Variants in PHACTR1 observed in about 807,000 individuals in gnomAD.
PHACTR1 encodes the protein RPEL repeat containing 1.
Under a neutral mutation model 69.2 loss-of-function variants are expected in PHACTR1, and 16 were observed. That is an observed-to-expected ratio of 0.23 (90% CI 0.16 to 0.35). The LOEUF (loss-of-function observed/expected upper bound fraction) is 0.35. PHACTR1 is among the 10% of genes least tolerant of loss of function. The probability of loss-of-function intolerance (pLI) is 1.00; values close to 1 mark genes in which losing one functional copy is unlikely to be tolerated. For synonymous variants in PHACTR1, 312 were observed against 284.5 expected, an observed-to-expected ratio of 1.10 and a Z score of -0.97; for missense variants, 510 against 734.7, an observed-to-expected ratio of 0.69 and a Z score of 3.54.
At chr6:13,115,399 T>A (rs1007741224) in intron 5 of PHACTR1, among the ~76,000 whole-genome samples, 22 of 152,176 alleles carry the variant, frequency 1.4e-4, no homozygotes, top group Non-Finnish European at 7.3e-5. Context: ...CCTTTCTCTC[T>A]CTCTCTCTCA....
intron 6 of PHACTR1, among the ~76,000 whole-genome samples, chr6:13,174,849 T>A (rs1375185157): frequency 6.6e-6 from 1 of 152,234 alleles, no homozygotes; most frequent in Non-Finnish European, 1.5e-5. Context: ...AGAGTGATTT[T>A]GGTACTAACT....
At chr6:12,903,922 T>C (rs1785452911) in intron 4 of PHACTR1, among the ~76,000 whole-genome samples, 1 of 152,210 alleles carries the variant, frequency 6.6e-6, no homozygotes, top group African/African-American at 2.4e-5. Flanking sequence ...TGTTTTATAA[T>C]TTAGCATCTT....
intron 4 of PHACTR1, among the ~76,000 whole-genome samples, chr6:12,754,205 C>A (rs571523736): frequency 6.7e-6 from 1 of 148,276 alleles, no homozygotes; most frequent in East Asian, 2.0e-4. Context: ...GATCTCCTGA[C>A]CTCGTGATCC....
chr6:12,777,241 AT>A (rs57971928), intron 4 of PHACTR1, among the ~76,000 whole-genome samples: 128 of 134,166 alleles, frequency 9.5e-4, no homozygotes, highest in African/African-American at 9.7e-4. Context: ...ATATATATAT[AT>A]TTTTTTAATT....
intron 12 of PHACTR1, among the ~76,000 whole-genome samples, chr6:13,282,392 T>C (rs1780479762): frequency 6.6e-6 from 1 of 152,224 alleles, no homozygotes; most frequent in Non-Finnish European, 1.5e-5. Flanking sequence ...TCATGGCTAA[T>C]ATCGGGAGAT....
chr6:12,803,498 A>G (rs1487178241), intron 4 of PHACTR1, among the ~76,000 whole-genome samples: 1 of 152,216 alleles, frequency 6.6e-6, no homozygotes, highest in Non-Finnish European at 1.5e-5. Flanking sequence ...TGCCAAAACC[A>G]TGCTACTCTC....
At chr6:12,747,042 T>C (rs1489458011) in intron 3 of PHACTR1, among the ~76,000 whole-genome samples, 1 of 152,198 alleles carries the variant, frequency 6.6e-6, no homozygotes, top group Non-Finnish European at 1.5e-5. Context: ...CTTTCATAAT[T>C]CATTTGATGA....
chr6:13,074,172 A>G (rs1405025236), intron 5 of PHACTR1, among the ~76,000 whole-genome samples: 4 of 152,194 alleles, frequency 2.6e-5, no homozygotes, highest in African/African-American at 9.6e-5. Context: ...CACCTAGCCC[A>G]TATTTTCAAT....
At chr6:12,756,003 A>C (rs1436374786) in intron 4 of PHACTR1, among the ~76,000 whole-genome samples, 1 of 152,226 alleles carries the variant, frequency 6.6e-6, no homozygotes, top group East Asian at 1.9e-4. Context: ...ACGTGCATAT[A>C]AACTGACAGG....
Position 13,072,183 on chromosome 6 carries a change from C to A in PHACTR1, c.415+18654C>A, listed in dbSNP as rs1809638730. On this transcript the variant is annotated intron_variant, in intron 5 of 14. Transcript: ENST00000332995. ...ATACTCATAATAACGTGCCATTCCC[C>A]AGTGCCCATTATCACATCTGTTTCC... Among the ~76,000 whole-genome samples the A allele has an allele frequency of 2.6e-5, 4 of 152,164 alleles. No homozygotes were observed. In the South Asian group the frequency reaches 6.2e-4, roughly 24 times the overall value.
At chr6:12,838,755 G>C (rs941611034) in intron 4 of PHACTR1, among the ~76,000 whole-genome samples, 1 of 152,122 alleles carries the variant, frequency 6.6e-6, no homozygotes, top group Non-Finnish European at 1.5e-5. Flanking sequence ...TTGTGAATTT[G>C]TGTTCCCCTA....
At chr6:12,830,939 G>C (rs933295502) in intron 4 of PHACTR1, among the ~76,000 whole-genome samples, 1 of 152,002 alleles carries the variant, frequency 6.6e-6, no homozygotes, top group African/African-American at 2.4e-5. Flanking sequence ...ATGGATTTAG[G>C]GGGTACAAGT....
At chr6:13,210,911 C>CTTT (rs56769825) in intron 8 of PHACTR1, among the ~76,000 whole-genome samples, 83 of 72,834 alleles carry the variant, frequency 1.1e-3, no homozygotes, top group East Asian at 2.2e-3. Flanking sequence ...TTTATCATTT[C>CTTT]TTTTTTTTTT....
intron 6 of PHACTR1, among the ~76,000 whole-genome samples, chr6:13,166,418 T>C (rs1759820716): frequency 6.6e-6 from 1 of 152,194 alleles, no homozygotes; most frequent in African/African-American, 2.4e-5. Context: ...TTCCCTGTTG[T>C]AGCCCAAGTG....
chr6:12,968,749 T>C (rs570906186), intron 4 of PHACTR1, among the ~76,000 whole-genome samples: 1 of 152,200 alleles, frequency 6.6e-6, no homozygotes, highest in African/African-American at 2.4e-5. Context: ...ATTGTATAAT[T>C]GACACAAATG....
intron 4 of PHACTR1, among the ~76,000 whole-genome samples, chr6:12,852,045 G>A (rs1398094740): frequency 2.0e-5 from 3 of 152,162 alleles, no homozygotes; most frequent in African/African-American, 7.2e-5. Context: ...ATGTTGGCCA[G>A]GCTGGTCTCA....
chr6:13,209,774 G>C (rs898249526), intron 8 of PHACTR1, among the ~76,000 whole-genome samples: 1 of 152,130 alleles, frequency 6.6e-6, no homozygotes, highest in African/African-American at 2.4e-5. Flanking sequence ...TTGTCAAGAA[G>C]GTCTGACTGT....
chr6:12,965,313 C>A (rs1793306077), intron 4 of PHACTR1, among the ~76,000 whole-genome samples: 1 of 152,138 alleles, frequency 6.6e-6, no homozygotes, highest in African/African-American at 2.4e-5. Flanking sequence ...AAAATCAGTC[C>A]TTGTGGCGTT....
At chr6:13,073,533 G>T (rs942656827) in intron 5 of PHACTR1, among the ~76,000 whole-genome samples, 6 of 151,012 alleles carry the variant, frequency 4.0e-5, no homozygotes, top group Non-Finnish European at 7.4e-5. Flanking sequence ...TAGGAGAGAA[G>T]GGGTTTCACC....
Sources: gnomAD v4.1 joint callset for allele counts (sites outside exome capture counted in the v4.1 genomes callset) on GRCh38, gnomAD v4.1.1 for gene constraint, MANE v1.5 for transcripts, NCBI Gene and HGNC (gene_info 2026-07-23, HGNC 2026-07-21) for gene names.